The following NTRK1 variants were observed in gnomAD, a reference collection of about 807,000 sequenced individuals.
NTRK1 encodes high affinity nerve growth factor receptor.
NTRK1 carries 62 observed loss-of-function variants against 86.8 expected under a neutral mutation model. The observed-to-expected ratio is 0.71, with a 90% confidence interval of 0.58 to 0.88. The LOEUF (loss-of-function observed/expected upper bound fraction) is 0.88. Ranked by LOEUF, NTRK1 falls within the 40% of genes least tolerant of loss-of-function variation. The pLI, the probability that NTRK1 is intolerant of heterozygous loss-of-function variation, is 0.00. For synonymous variants in NTRK1, 469 were observed against 456.6 expected (o/e 1.03, Z -0.35); for missense variants, 967 against 1,078.4 (o/e 0.90, Z 1.45).
At chr1:156,859,878 T>TA (rs1419622278), upstream of NTRK1, among the ~76,000 whole-genome samples, 1 of 152,046 alleles carries the variant, frequency 6.6e-6, no homozygotes, top group Non-Finnish European at 1.5e-5. The surrounding 1 kb of genome is among the most constrained non-coding windows in gnomAD (Gnocchi z 6.2). Flanking sequence ...ACGGATGGGT[T>TA]AGTGCAGCCA....
Position 156,879,396 on chromosome 1 carries a change from C to A in NTRK1, c.2046+34C>A, listed in dbSNP as rs1002582071. ...CCTTTGTCCCCAACGCCTTCCCCTG[C>A]ATCCAAACTGTAGACACCCTGGATC... On this transcript the variant is annotated intron_variant, in intron 15 of 16. Transcript: ENST00000524377. The A allele has an allele frequency of 1.9e-6, 3 of 1,579,832 alleles. No homozygotes were observed. In the Admixed American group the frequency reaches 5.1e-5, roughly 27 times the overall value.
chr1:156,871,866 C>A, intron 7 of NTRK1, 111 bp downstream of exon 7: 1 of 1,423,622 alleles, frequency 7.0e-7, no homozygotes, highest in Non-Finnish European at 9.8e-7. Flanking sequence ...GTCTCCACAG[C>A]TGCTCCCTCC....
chr1:156,875,009 G>T lies in NTRK1; in HGVS notation c.1354+1G>T, dbSNP rs764771898. 8.7e-6 allele frequency: 14 copies of T among 1,605,088 alleles called. No homozygotes were observed. The East Asian group carries it at 1.3e-4, about 15-fold the overall frequency. ...CGGAGAAACAAGTTTGGGATCAACC[G>T]TGAGTCGGGGCTGCAGAGGGCTGTC... On this transcript the variant is annotated splice_donor_variant, in intron 11 of 16. Coordinates refer to ENST00000524377, the MANE Select transcript of NTRK1 (RefSeq NM_002529.4). LOFTEE classifies it high-confidence loss of function.
intron 1 of NTRK1, among the ~76,000 whole-genome samples, chr1:156,830,377 G>A (rs367878641): frequency 2.0e-5 from 3 of 152,018 alleles, no homozygotes; most frequent in Admixed American, 6.6e-5. Flanking sequence ...GGTGTGCCTC[G>A]ACATTTCACT....
At chr1:156,868,004 C>A in intron 4 of NTRK1, 100 bp from the exon 5 acceptor site, 1 of 1,329,902 alleles carries the variant, frequency 7.5e-7, no homozygotes, top group Non-Finnish European at 1.1e-6. Flanking sequence ...CTCCCTTTCA[C>A]CTGTAGACGG....
intron 1 of NTRK1, among the ~76,000 whole-genome samples, chr1:156,818,861 A>T (rs1654104481): frequency 6.6e-6 from 1 of 152,214 alleles, no homozygotes; most frequent in Admixed American, 6.5e-5. Flanking sequence ...GCTGGAAATA[A>T]TGGTATTTCT....
At chr1:156,850,330 G>A (rs1655157352) in intron 2 of NTRK1, among the ~76,000 whole-genome samples, 1 of 151,958 alleles carries the variant, frequency 6.6e-6, no homozygotes, top group Non-Finnish European at 1.5e-5. Context: ...TCCTGCCTCA[G>A]CCTCCTGAGT....
At chr1:156,863,960 A>G (rs1655803615) in intron 1 of NTRK1, among the ~76,000 whole-genome samples, 2 of 152,120 alleles carry the variant, frequency 1.3e-5, no homozygotes. Flanking sequence ...CTGTGTGTCC[A>G]TGGGTGAGCG....
At chr1:156,849,083 T>C (rs1655112501) in intron 2 of NTRK1, 13 of 1,604,314 alleles carry the variant, frequency 8.1e-6, no homozygotes, top group African/African-American at 1.3e-5. Context: ...CAACCGCGCC[T>C]GCCAGCTGCT....
chr1:156,864,025 C>T (rs895006695), intron 1 of NTRK1, among the ~76,000 whole-genome samples: 2 of 152,094 alleles, frequency 1.3e-5, no homozygotes, highest in Middle Eastern at 3.2e-3. Context: ...GATGCTTATG[C>T]CTCTGTGTGT....
chr1:156,850,246 C>G (rs1328943982), intron 2 of NTRK1, among the ~76,000 whole-genome samples: 1 of 152,100 alleles, frequency 6.6e-6, no homozygotes, highest in Non-Finnish European at 1.5e-5. Flanking sequence ...GAGTCTCCCT[C>G]TGTCACCCAG....
intron 1 of NTRK1, among the ~76,000 whole-genome samples, chr1:156,826,046 C>T (rs1654308292): frequency 6.6e-6 from 1 of 152,116 alleles, no homozygotes; most frequent in African/African-American, 2.4e-5. Flanking sequence ...GTATAGCTGC[C>T]AAAGAGTTAA....
chr1:156,816,932 G>A (rs140203162), intron 1 of NTRK1: 9 of 414,802 alleles, frequency 2.2e-5, no homozygotes, highest in East Asian at 1.8e-4. Flanking sequence ...GTGGTATAGC[G>A]GTGGGGGGTA....
intron 16 of NTRK1, among the ~76,000 whole-genome samples, chr1:156,880,777 T>G (rs1323341234): frequency 6.6e-6 from 1 of 152,188 alleles, no homozygotes; most frequent in Non-Finnish European, 1.5e-5. Context: ...ATGGAATTAG[T>G]GCCGCCCATA....
chr1:156,881,600 C>T lies in NTRK1; in HGVS notation c.2349C>T (p.Ala783=). ...AGGATGTGCACGCCCGGCTGCAAGC[C>T]CTGGCCCAGGCACCTCCTGTCTACC... The part of the protein sequence containing the change: ...SIKDVHARLQ[A]LAQAPPVYLD... The change falls in exon 17 of 17, where the codon GCC becomes GCT. Residue 783 remains alanine (A), a synonymous_variant. Transcript: ENST00000524377. The T allele has an allele frequency of 1.2e-6, 2 of 1,611,226 alleles. No homozygotes were observed. The highest frequency in any genetic ancestry group is 1.7e-6 in the Non-Finnish European group (2 of 1,179,112).
rs1169704045 is a variant in NTRK1 at position 156,876,081 on chromosome 1, TG to T, written c.1504del (p.Val502PhefsTer45). 1 of 1,613,942 alleles carries T rather than the reference TG, an allele frequency of 6.2e-7. No homozygotes were observed. Among genetic ancestry groups the T allele is most frequent in the African/African-American group, 1.3e-5 (1 of 74,888 alleles). On this transcript the variant is annotated frameshift_variant and splice_region_variant, in exon 13 of 17. Transcript: ENST00000524377. LOFTEE classifies it high-confidence loss of function. ...GTCTGACCCTGCAAGCCCCCTCAGGTGTTCACCACATCAAGCGCCGGGACAT... is the reference window on the plus strand; with the variant it reads ...GTCTGACCCTGCAAGCCCCCTCAGGTTTCACCACATCAAGCGCCGGGACAT... ...ENPQYFSDAC[V>X]HHIKRRDIVL...
rs1000242834 is a variant in NTRK1 at position 156,854,417 on chromosome 1, G to A, written c.51-9937G>A. 9.5e-5 allele frequency: 109 copies of A among 1,144,806 alleles called. No homozygotes were observed. Among genetic ancestry groups the A allele is most frequent in the Middle Eastern group, 2.9e-4 (1 of 3,482 alleles). 70.9% of individuals were successfully genotyped at this position (1,144,806 alleles called of 1,614,324 possible). Reference sequence around the variant, plus strand: ...GCAGTAGGACAATGAGTGAGGAGCCGGGCTCTGCTCTGGGTGTGGGGTGGC... The same window carrying A: ...GCAGTAGGACAATGAGTGAGGAGCCAGGCTCTGCTCTGGGTGTGGGGTGGC... On this transcript the variant is annotated intron_variant, in intron 2 of 16. Coordinates refer to the NTRK1 transcript ENST00000392302. The surrounding 1 kb of genome is among the most constrained non-coding windows in gnomAD (Gnocchi z 4.2).
chr1:156,862,022 C>T (rs1341021535), intron 1 of NTRK1, among the ~76,000 whole-genome samples: 1 of 152,186 alleles, frequency 6.6e-6, no homozygotes, highest in African/African-American at 2.4e-5. Context: ...TTGAATATTA[C>T]ATATGGCTAT....
At chr1:156,839,814 A>G (rs1654708005) in intron 1 of NTRK1, among the ~76,000 whole-genome samples, 1 of 152,200 alleles carries the variant, frequency 6.6e-6, no homozygotes, top group South Asian at 2.1e-4. Context: ...GAGGCTAGAC[A>G]CAAAGGTTCC....
Sources: allele counts gnomAD v4.1 joint callset (sites outside exome capture counted in the v4.1 genomes callset), GRCh38; gene constraint gnomAD v4.1.1; non-coding constraint Gnocchi (gnomAD v3.1); transcripts MANE v1.5; gene names NCBI Gene and HGNC (gene_info 2026-07-23, HGNC 2026-07-21).